The following ST7 variants were observed in gnomAD, a reference collection of about 807,000 sequenced individuals.
ST7 encodes the protein suppression of tumorigenicity 7.
Under a neutral mutation model 78.7 loss-of-function variants are expected in ST7, and 28 were observed. That is an observed-to-expected ratio of 0.36 (90% confidence interval 0.26 to 0.49). ST7 has a LOEUF of 0.49. ST7 is among the 20% of genes least tolerant of loss of function. The probability of loss-of-function intolerance (pLI) is 0.99; values close to 1 mark genes in which losing one functional copy is unlikely to be tolerated. For missense variants in ST7, 418 were observed against 696.0 expected, an observed-to-expected ratio of 0.60 and a Z score of 4.49; for synonymous variants, 247 against 249.6, an observed-to-expected ratio of 0.99 and a Z score of 0.10.
At chr7:116,997,181 T>C (rs943516893) in intron 1 of ST7, among the ~76,000 whole-genome samples, 9 of 152,142 alleles carry the variant, frequency 5.9e-5, no homozygotes, top group African/African-American at 1.9e-4. Context: ...TTACAGCTCA[T>C]AAAGGTAGTG....
intron 10 of ST7, among the ~76,000 whole-genome samples, chr7:117,174,980 T>A (rs527492779): frequency 6.6e-6 from 1 of 152,178 alleles, no homozygotes; most frequent in Non-Finnish European, 1.5e-5. Flanking sequence ...AGGCATGACT[T>A]AGGTGGGCTG....
At chr7:116,979,110 A>G (rs1793832078) in intron 1 of ST7, among the ~76,000 whole-genome samples, 1 of 152,180 alleles carries the variant, frequency 6.6e-6, no homozygotes, top group Admixed American at 6.5e-5. Flanking sequence ...AGACATAGCC[A>G]ATCTGTGCAT....
At chr7:117,025,474 T>A (rs1392530885) in intron 1 of ST7, among the ~76,000 whole-genome samples, 2 of 152,192 alleles carry the variant, frequency 1.3e-5, no homozygotes, top group African/African-American at 2.4e-5. Context: ...GTTATTAGAT[T>A]TAGCTGCATC....
intron 1 of ST7, among the ~76,000 whole-genome samples, chr7:116,974,130 G>A (rs535251527): frequency 9.2e-5 from 14 of 152,248 alleles, no homozygotes; most frequent in South Asian, 4.1e-4. Context: ...GACCTGTGAC[G>A]TGTGTGTCTG....
chr7:116,976,991 A>T lies in ST7; in HGVS notation c.151+23300A>T, dbSNP rs114590367. 1.1e-3 allele frequency among the ~76,000 whole-genome samples: 163 copies of T among 152,368 alleles called. 1 individual carries two copies. Among genetic ancestry groups the T allele is most frequent in the African/African-American group, 3.8e-3 (158 of 41,594 alleles). On this transcript the variant is annotated intron_variant, in intron 1 of 15. Transcript: ENST00000323984. ...TAGTTTTAGCCTCCACTCTAAAGTC[A>T]GTTAGAATAAGGAGGCTTTTTGTGA...
intron 1 of ST7, among the ~76,000 whole-genome samples, chr7:117,051,509 T>A (rs897811547): frequency 6.6e-6 from 1 of 152,186 alleles, no homozygotes; most frequent in African/African-American, 2.4e-5. Flanking sequence ...GGGGCTCATA[T>A]CCATGGTGTG....
intron 1 of ST7, among the ~76,000 whole-genome samples, chr7:117,004,310 A>T (rs1477653931): frequency 6.6e-6 from 1 of 152,230 alleles, no homozygotes; most frequent in Non-Finnish European, 1.5e-5. Context: ...CGTGTTATCC[A>T]CTTGGCTCTG....
At chr7:117,009,270 TG>T (rs59738116) in intron 1 of ST7, among the ~76,000 whole-genome samples, 103,558 of 121,518 alleles carry the variant, frequency 0.85, 42,992 homozygotes, top group Admixed American at 0.9. Context: ...TTTTTTTTTT[TG>T]TTTTTGGCCT....
intron 2 of ST7, among the ~76,000 whole-genome samples, chr7:117,106,337 C>A (rs1801961553): frequency 6.6e-6 from 1 of 152,178 alleles, no homozygotes. Context: ...TAGTTTGCAG[C>A]AAAGTCAGGC....
intron 6 of ST7, 100 bp from the exon 7 acceptor site, chr7:117,134,024 C>T (rs1258849001): frequency 1.4e-6 from 2 of 1,472,244 alleles, no homozygotes; most frequent in East Asian, 4.8e-5. Flanking sequence ...AGTCCACCTT[C>T]CCCTCTTTGA....
intron 1 of ST7, among the ~76,000 whole-genome samples, chr7:117,096,105 C>CAGG (rs1801023586): frequency 7.6e-6 from 1 of 131,516 alleles, no homozygotes; most frequent in Admixed American, 7.8e-5. Flanking sequence ...AAAAGAATAT[C>CAGG]AGGAATATCC....
chr7:117,111,761 G>T (rs1475863086), intron 2 of ST7, among the ~76,000 whole-genome samples: 2 of 152,132 alleles, frequency 1.3e-5, no homozygotes, highest in African/African-American at 4.8e-5. Flanking sequence ...GTCCAGACCT[G>T]CCAAGTTAGT....
chr7:117,202,285 G>A (rs1449549313), intron 12 of ST7, among the ~76,000 whole-genome samples: 2 of 152,006 alleles, frequency 1.3e-5, no homozygotes, highest in Non-Finnish European at 2.9e-5. Flanking sequence ...GAGAGATCTC[G>A]GGTGCTCCTA....
At chr7:116,958,066 A>G (rs957732556) in intron 1 of ST7, among the ~76,000 whole-genome samples, 1 of 152,068 alleles carries the variant, frequency 6.6e-6, no homozygotes, top group Non-Finnish European at 1.5e-5. Flanking sequence ...AGCTCACTGC[A>G]GCCTCAACCT....
At chr7:117,117,147 A>G (rs1161680607) in intron 2 of ST7, among the ~76,000 whole-genome samples, 5 of 152,180 alleles carry the variant, frequency 3.3e-5, no homozygotes, top group Non-Finnish European at 7.3e-5. Context: ...TTGTAACTTG[A>G]TGGGTAGTTC....
intron 15 of ST7, chr7:117,223,874 G>A (rs1793277987): frequency 1.2e-6 from 1 of 865,270 alleles, no homozygotes; most frequent in Admixed American, 6.2e-5. Context: ...CTTGCTCATA[G>A]TAGGTTTTCA....
At chr7:117,180,793 G>A (rs1242949140) in intron 10 of ST7, among the ~76,000 whole-genome samples, 1 of 152,116 alleles carries the variant, frequency 6.6e-6, no homozygotes, top group Non-Finnish European at 1.5e-5. Flanking sequence ...GGGACTACAG[G>A]TGTGAACCAC....
intron 1 of ST7, among the ~76,000 whole-genome samples, chr7:116,964,600 C>T (rs1231634260): frequency 3.3e-5 from 5 of 152,100 alleles, no homozygotes; most frequent in African/African-American, 1.2e-4. Context: ...ACAAATTATA[C>T]TTTTTTCAGT....
intron 9 of ST7, among the ~76,000 whole-genome samples, chr7:117,139,118 A>G (rs1805052309): frequency 6.6e-6 from 1 of 152,182 alleles, no homozygotes; most frequent in African/African-American, 2.4e-5. Flanking sequence ...AAGTTTTAAA[A>G]CAAAAGAGAA....
Sources: allele counts gnomAD v4.1 joint callset (sites outside exome capture counted in the v4.1 genomes callset), GRCh38; gene constraint gnomAD v4.1.1; transcripts MANE v1.5; gene names NCBI Gene and HGNC (gene_info 2026-07-23, HGNC 2026-07-21).